Variants in MYOM2 observed in about 807,000 individuals in gnomAD.
MYOM2 encodes the protein myomesin-2.
MYOM2 carries 254 observed loss-of-function variants against 187.6 expected under a neutral mutation model. That is an observed-to-expected ratio of 1.35 (90% confidence interval 1.22 to 1.50). MYOM2 has a LOEUF of 1.50. Ranked by LOEUF, MYOM2 falls within the 40% of genes most tolerant of loss-of-function variation. The probability of loss-of-function intolerance (pLI) is 0.00; values close to 1 mark genes in which losing one functional copy is unlikely to be tolerated. For missense variants in MYOM2, 2,796 were observed against 1,924.0 expected (o/e 1.45, Z -8.48); for synonymous variants, 981 against 753.8 (o/e 1.30, Z -4.94).
At chr8:2,103,976 CA>C (rs1796808233) in intron 21 of MYOM2, among the ~76,000 whole-genome samples, 1 of 152,100 alleles carries the variant, frequency 6.6e-6, no homozygotes, top group Non-Finnish European at 1.5e-5. Context: ...ATTTGGATGG[CA>C]AATGAAGTAT....
chr8:2,094,214 C>T lies in MYOM2; in HGVS notation c.2125+123C>T, dbSNP rs533898165. ...GGGAAAAGGGGACTAAATTCCTGAA[C>T]AGAGAACTTGAGTTTCTTTGAAGCC... On this transcript the variant is annotated intron_variant, in intron 17 of 36. Coordinates refer to ENST00000262113, the MANE Select transcript of MYOM2 (RefSeq NM_003970.4). 1.1e-5 allele frequency: 14 copies of T among 1,286,950 alleles called. No individual in the cohort carries two copies. In the South Asian group the frequency reaches 2.0e-4, roughly 18 times the overall value. The allele number at this position is 1,286,950 out of a possible 1,614,324, so 79.7% of individuals were successfully genotyped here. A position where few individuals can be genotyped will look rare whatever the true frequency, so the allele number is the denominator to read the frequency against.
intron 20 of MYOM2, among the ~76,000 whole-genome samples, chr8:2,101,285 G>A (rs911834083): frequency 4.9e-4 from 75 of 152,308 alleles, no homozygotes; most frequent in African/African-American, 1.7e-3. Flanking sequence ...CCCGGGAGGC[G>A]GAGGTTGCGG....
chr8:2,064,219 C>G lies in MYOM2; in HGVS notation c.653+4974C>G, dbSNP rs1818940413. 2.0e-5 allele frequency among the ~76,000 whole-genome samples: 3 copies of G among 152,286 alleles called. No individual in the cohort carries two copies. The South Asian group carries it at 6.2e-4, about 32-fold the overall frequency. ...CAGGCAGGGGGCAAACCCTGGGAGG[C>G]AGGGCAAGGGTGCCCTTACCTCCCT... On this transcript the variant is annotated intron_variant, in intron 6 of 36. Coordinates refer to ENST00000262113, the MANE Select transcript of MYOM2 (RefSeq NM_003970.4).
At chr8:2,064,081 C>G (rs1368325536) in intron 6 of MYOM2, among the ~76,000 whole-genome samples, 2 of 152,212 alleles carry the variant, frequency 1.3e-5, no homozygotes, top group Non-Finnish European at 2.9e-5. Context: ...TGATTTGCCT[C>G]CAAATCCCAA....
chr8:2,052,118 C>A (rs369140634), intron 2 of MYOM2, 40 bp from the exon 3 acceptor site: 1 of 1,609,776 alleles, frequency 6.2e-7, no homozygotes, highest in African/African-American at 1.3e-5. Flanking sequence ...CCATACTGTG[C>A]CTGAGCATGC....
At chr8:2,077,084 G>A (rs1222283939) in intron 11 of MYOM2, among the ~76,000 whole-genome samples, 2 of 152,170 alleles carry the variant, frequency 1.3e-5, no homozygotes, top group African/African-American at 4.8e-5. Context: ...GGCCAACGCG[G>A]GCGGATTACA....
intron 11 of MYOM2, among the ~76,000 whole-genome samples, chr8:2,077,695 T>A (rs1442918649): frequency 1.3e-5 from 2 of 152,164 alleles, no homozygotes; most frequent in Non-Finnish European, 2.9e-5. Context: ...CAAAAACCAT[T>A]TCCTGCACTG....
rs372383174 is a variant in MYOM2, at chr8:2,096,323, G to T, written c.2202G>T (p.Pro734=). The T allele has an allele frequency of 6.2e-7, 1 of 1,614,204 alleles. No homozygotes were observed. Among genetic ancestry groups the T allele is most frequent in the South Asian group, 1.1e-5 (1 of 91,084 alleles). The change falls in exon 18 of 37, where the codon CCG becomes CCT. Residue 734 remains proline (P), a synonymous_variant. Transcript: ENST00000262113. ...GHSMTLGWKV[P]KFSGGSPILG... is the part of the protein sequence containing the mutation. ...CCATGACCCTCGGCTGGAAGGTCCC[G>T]AAATTCAGTGGTGGCTCGCCCATCC... is the stretch of plus-strand genomic sequence containing the variant.
chr8:2,070,977 T>C (rs1819194310), intron 8 of MYOM2, among the ~76,000 whole-genome samples: 1 of 151,970 alleles, frequency 6.6e-6, no homozygotes, highest in African/African-American at 2.4e-5. Context: ...TATTTATTTA[T>C]TTATTTTTGA....
At chr8:2,122,889 G>T (rs1156302224) in intron 28 of MYOM2, among the ~76,000 whole-genome samples, 2 of 152,148 alleles carry the variant, frequency 1.3e-5, no homozygotes, top group African/African-American at 2.4e-5. Flanking sequence ...AGACCCCTCA[G>T]AATATTCTCT....
chr8:2,079,586 A>G lies in MYOM2; in HGVS notation c.1489A>G (p.Ile497Val). 1.2e-6 allele frequency: 2 copies of G among 1,614,104 alleles called. No individual in the cohort carries two copies. Among genetic ancestry groups the G allele is most frequent in the Non-Finnish European group, 1.7e-6 (2 of 1,180,022 alleles). Residue 497 changes from isoleucine to valine, a missense_variant, in exon 13 of 37, where the codon ATT (isoleucine) becomes GTT (valine). By Grantham distance (29) the Ile-to-Val change is conservative. Transcript: ENST00000262113. The part of the protein sequence containing the change: ...QAVHLEGEKE[I>V]AIYQDDLEGD... ...CGTTCATTTGGAGGGAGAGAAGGAG[A>G]TTGCCATTTATCAGGATGACCTTGA...
chr8:2,074,442 C>T (rs911072931), intron 10 of MYOM2, among the ~76,000 whole-genome samples: 1 of 151,828 alleles, frequency 6.6e-6, no homozygotes, highest in Non-Finnish European at 1.5e-5. Flanking sequence ...CCACCTACTC[C>T]CACTCCTCCT....
chr8:2,107,170 G>A (rs776699701), intron 23 of MYOM2, among the ~76,000 whole-genome samples: 1 of 152,042 alleles, frequency 6.6e-6, no homozygotes, highest in Admixed American at 6.6e-5. Flanking sequence ...ATGCAGGCAG[G>A]GCTGATTTTT....
intron 13 of MYOM2, among the ~76,000 whole-genome samples, chr8:2,082,960 T>A (rs1420198290): frequency 6.6e-6 from 1 of 152,158 alleles, no homozygotes; most frequent in Non-Finnish European, 1.5e-5. Flanking sequence ...GACCTAAGCC[T>A]CGACCCCAGT....
chr8:2,100,819 G>A (rs542775677), intron 19 of MYOM2, 57 bp from the exon 20 acceptor site: 27 of 1,580,888 alleles, frequency 1.7e-5, no homozygotes, highest in Admixed American at 1.2e-4. Flanking sequence ...TGGGTTGGGC[G>A]GTGGGTGTGC....
intron 1 of MYOM2, 55 bp from the exon 2 acceptor site, chr8:2,050,700 G>A: frequency 9.8e-7 from 1 of 1,025,144 alleles, no homozygotes; most frequent in South Asian, 1.4e-5. Flanking sequence ...AGAAATGGCA[G>A]AGGCCTCATG....
intron 25 of MYOM2, among the ~76,000 whole-genome samples, chr8:2,110,054 G>A (rs1797017488): frequency 1.3e-5 from 2 of 152,152 alleles, no homozygotes; most frequent in South Asian, 2.1e-4. Flanking sequence ...CAGGCATGGC[G>A]GCTCTCACCT....
intron 25 of MYOM2, among the ~76,000 whole-genome samples, chr8:2,113,974 T>G (rs1411647193): frequency 6.6e-6 from 1 of 151,490 alleles, no homozygotes; most frequent in Non-Finnish European, 1.5e-5. Context: ...AGACGGCAGG[T>G]GGATAGGTAG....
intron 32 of MYOM2, among the ~76,000 whole-genome samples, chr8:2,130,967 T>C (rs1195384670): frequency 6.6e-6 from 1 of 152,234 alleles, no homozygotes; most frequent in African/African-American, 2.4e-5. Flanking sequence ...TGTCTTGCTG[T>C]AAGTTGTACA....
Sources: allele counts gnomAD v4.1 joint callset (sites outside exome capture counted in the v4.1 genomes callset), GRCh38; gene constraint gnomAD v4.1.1; transcripts MANE v1.5; gene names NCBI Gene and HGNC (gene_info 2026-07-23, HGNC 2026-07-21).